Variants in NFE2L2 observed in about 807,000 individuals in gnomAD.
NFE2L2 encodes the protein NFE2 like bZIP transcription factor 2, also known as nuclear factor erythroid 2-related factor 2.
Under a neutral mutation model 49.6 loss-of-function variants are expected in NFE2L2, and 20 were observed. The observed-to-expected ratio is 0.40, with a 90% confidence interval of 0.28 to 0.59. The LOEUF is 0.59. NFE2L2 is among the 20% of genes least tolerant of loss of function. NFE2L2 has a pLI of 0.40. For missense variants in NFE2L2, 578 were observed against 714.2 expected, an observed-to-expected ratio of 0.81 and a Z score of 2.17; for synonymous variants, 244 against 256.5, an observed-to-expected ratio of 0.95 and a Z score of 0.47.
Position 177,232,515 on chromosome 2 carries a change from A to C in NFE2L2, c.471T>G (p.Ile157Met). ...IPGHIESPVF[I>M]ATNQAQSPET... Reference sequence around the variant, plus strand: ...CAGGTGACTGAGCCTGATTAGTAGCAATGAAGACTGGGCTCTCGATGTGAC... The same window carrying C: ...CAGGTGACTGAGCCTGATTAGTAGCCATGAAGACTGGGCTCTCGATGTGAC... Residue 157 changes from isoleucine (I) to methionine (M), a missense_variant, in exon 4 of 5, where the codon ATT becomes ATG. Ile to Met is a conservative substitution (Grantham distance 10, BLOSUM62 1). This residue lies in a region of NFE2L2 where 368 missense variants were observed against 384.6 expected (regional missense o/e 0.96). Coordinates refer to ENST00000397062, the MANE Select transcript of NFE2L2 (RefSeq NM_006164.5). The C allele has an allele frequency of 6.2e-7, 1 of 1,614,184 alleles. No homozygotes were observed. Among genetic ancestry groups the C allele is most frequent in the Non-Finnish European group, 8.5e-7 (1 of 1,180,002 alleles).
At chr2:177,242,475 T>A (rs189940034) in intron 1 of NFE2L2, among the ~76,000 whole-genome samples, 5 of 152,316 alleles carry the variant, frequency 3.3e-5, no homozygotes, top group Admixed American at 6.5e-5. Flanking sequence ...GTTCACAAAT[T>A]TACCATTCCC....
rs201025738 is a variant in NFE2L2 at position 177,249,621 on chromosome 2, AT to A, written c.45+14910del. Reference sequence around the variant, plus strand: ...GTAGCCTAGCCTCACCAACAAAAAAATAAACAAGTGAATTTAATTTTAACAA... The same window carrying A: ...GTAGCCTAGCCTCACCAACAAAAAAAAAACAAGTGAATTTAATTTTAACAA... On this transcript the variant is annotated intron_variant, in intron 1 of 4. Coordinates refer to ENST00000397062, the MANE Select transcript of NFE2L2 (RefSeq NM_006164.5). 1.2e-4 allele frequency among the ~76,000 whole-genome samples: 18 copies of A among 152,370 alleles called. No individual in the cohort carries two copies. In the East Asian group the frequency reaches 1.9e-3, roughly 16 times the overall value.
At chr2:177,256,319 A>G (rs1458274191) in intron 1 of NFE2L2, among the ~76,000 whole-genome samples, 2 of 152,196 alleles carry the variant, frequency 1.3e-5, no homozygotes, top group Non-Finnish European at 2.9e-5. Context: ...GTGCAGTATT[A>G]TAATTTTATG....
intron 1 of NFE2L2, among the ~76,000 whole-genome samples, chr2:177,259,474 T>G (rs1309965679): frequency 6.6e-6 from 1 of 152,186 alleles, no homozygotes; most frequent in Middle Eastern, 3.2e-3. Flanking sequence ...TAAAAACGAA[T>G]GATTAAACGT....
In NFE2L2 at chr2:177,231,839, C is replaced by G. The variant is rs2105453992; in HGVS notation, c.764G>C (p.Ser255Thr). 6.2e-7 allele frequency: 1 copy of G among 1,614,158 alleles called. No homozygotes were observed. Among genetic ancestry groups the G allele is most frequent in the Non-Finnish European group, 8.5e-7 (1 of 1,180,012 alleles). ...GGGGTCTTCTGTGGAGAGGATGCTG[C>G]TGAAGGAATCCTCAAAAGCATTAAG... The part of the protein sequence containing the change: ...HFLNAFEDSF[S>T]SILSTEDPNQ... The change falls in exon 5 of 5, where the codon AGC becomes ACC. Residue 255 changes from serine to threonine, a missense_variant. This residue lies in a region of NFE2L2 where 368 missense variants were observed against 384.6 expected (regional missense o/e 0.96). Coordinates refer to ENST00000397062, the MANE Select transcript of NFE2L2 (RefSeq NM_006164.5).
rs185698792 is a variant in NFE2L2 at position 177,237,548 on chromosome 2, T to A, written c.46-3277A>T. On this transcript the variant is annotated intron_variant, in intron 1 of 4. Coordinates refer to ENST00000397062, the MANE Select transcript of NFE2L2 (RefSeq NM_006164.5). ...TTTTATTTTTTTTTGAGACGGAGTC[T>A]CGCTCTGTCGCCCAGGCTGGAGTGC... is the stretch of plus-strand genomic sequence containing the variant. Among the ~76,000 whole-genome samples, 143 of 152,334 alleles carry A rather than the reference T, an allele frequency of 9.4e-4. 2 individuals are homozygous for A. The highest frequency in any genetic ancestry group is 3.2e-3 in the African/African-American group (133 of 41,574).
intron 1 of NFE2L2, among the ~76,000 whole-genome samples, chr2:177,236,458 G>C (rs1004327472): frequency 6.6e-6 from 1 of 152,198 alleles, no homozygotes; most frequent in African/African-American, 2.4e-5. Flanking sequence ...CTTTAAGCCA[G>C]TATCTATTAA....
At chr2:177,257,665 G>A (rs573215105) in intron 1 of NFE2L2, among the ~76,000 whole-genome samples, 6 of 152,334 alleles carry the variant, frequency 3.9e-5, no homozygotes, top group South Asian at 2.1e-4. Context: ...TGCTGGCTGC[G>A]GAGGGGTCAG....
intron 1 of NFE2L2, among the ~76,000 whole-genome samples, chr2:177,236,593 A>G (rs1689759142): frequency 6.6e-6 from 1 of 152,216 alleles, no homozygotes; most frequent in Non-Finnish European, 1.5e-5. Context: ...AAGAAAAAAG[A>G]TACTACCAGA....
At chr2:177,253,077 G>T (rs1690399506) in intron 1 of NFE2L2, among the ~76,000 whole-genome samples, 1 of 152,228 alleles carries the variant, frequency 6.6e-6, no homozygotes, top group Non-Finnish European at 1.5e-5. Flanking sequence ...TGGCCCAATA[G>T]TCTGTCATAG....
chr2:177,242,309 C>T (rs2105470181), intron 1 of NFE2L2, among the ~76,000 whole-genome samples: 1 of 152,332 alleles, frequency 6.6e-6, no homozygotes, highest in Middle Eastern at 3.4e-3. Flanking sequence ...GGCCTAGCAA[C>T]ATGTTGTATA....
At chr2:177,264,287 C>G in intron 1 of NFE2L2, 1 of 473,242 alleles carries the variant, frequency 2.1e-6, no homozygotes, top group South Asian at 3.2e-5. Flanking sequence ...AGTCCCCAGA[C>G]CTTCCCGCAA....
In NFE2L2 at chr2:177,259,987, A is replaced by G. The variant is rs561748979; in HGVS notation, c.45+4545T>C. Among the ~76,000 whole-genome samples, 103 of 152,294 alleles carry G rather than the reference A, an allele frequency of 6.8e-4. 1 individual carries two copies. Among genetic ancestry groups the G allele is most frequent in the African/African-American group, 2.4e-3 (100 of 41,566 alleles). On this transcript the variant is annotated intron_variant, in intron 1 of 4. Coordinates refer to ENST00000397062, the MANE Select transcript of NFE2L2 (RefSeq NM_006164.5). The stretch of plus-strand genomic sequence containing the variant: ...TTTCTGAATGTTAATATTTAATATT[A>G]TACACTTGAACATATTTTTGCTTTC...
At chr2:177,257,193 C>G (rs1690556259) in intron 1 of NFE2L2, among the ~76,000 whole-genome samples, 1 of 152,220 alleles carries the variant, frequency 6.6e-6, no homozygotes, top group Admixed American at 6.5e-5. Context: ...GGCCCAGGAA[C>G]ACAGCTTCCT....
intron 1 of NFE2L2, among the ~76,000 whole-genome samples, chr2:177,248,682 T>G (rs912244939): frequency 6.6e-6 from 1 of 152,218 alleles, no homozygotes; most frequent in Non-Finnish European, 1.5e-5. Context: ...GTGCTGGCAT[T>G]ACAGGCATGA....
chr2:177,247,387 C>T (rs963245219), intron 1 of NFE2L2, among the ~76,000 whole-genome samples: 6 of 152,100 alleles, frequency 3.9e-5, no homozygotes, highest in Non-Finnish European at 5.9e-5. Flanking sequence ...AAAGGCCGGG[C>T]GCCGTGGCTC....
intron 3 of NFE2L2, chr2:177,232,903 C>A: frequency 6.4e-6 from 3 of 469,924 alleles, no homozygotes; most frequent in Non-Finnish European, 1.1e-5. Context: ...GTTAACTGAA[C>A]AAGTCTTCGT....
intron 1 of NFE2L2, chr2:177,263,828 GTCGGGGCT>G: frequency 1.0e-6 from 1 of 985,496 alleles, no homozygotes; most frequent in Non-Finnish European, 1.2e-6. Context: ...GCCGCCACAC[GTCGGGGCT>G]TCTGAGCCCG....
intron 1 of NFE2L2, among the ~76,000 whole-genome samples, chr2:177,238,855 AAATT>A (rs1265583191): frequency 1.3e-5 from 2 of 152,280 alleles, no homozygotes; most frequent in Non-Finnish European, 2.9e-5. Flanking sequence ...ATAATAAAGC[AAATT>A]AATAAGCAAA....
Sources: gnomAD v4.1 joint callset for allele counts (sites outside exome capture counted in the v4.1 genomes callset) on GRCh38, gnomAD v4.1.1 for gene constraint, gnomAD v4.1.1 regional missense constraint, MANE v1.5 for transcripts, NCBI Gene and HGNC (gene_info 2026-07-23, HGNC 2026-07-21) for gene names.